The following NTM variants were observed in gnomAD, a reference collection of about 807,000 sequenced individuals.
NTM encodes the protein neurotrimin.
NTM carries 13 observed loss-of-function variants against 42.1 expected under a neutral mutation model. The ratio of observed to expected loss-of-function variants is 0.31; its 90% CI spans 0.20 to 0.49. NTM has a LOEUF of 0.49. NTM is among the 20% of genes least tolerant of loss of function. The pLI is 0.99. For missense variants in NTM, 373 were observed against 452.8 expected (o/e 0.82, Z 1.60); for synonymous variants, 187 against 179.2 (o/e 1.04, Z -0.35).
chr11:131,610,410 A>G (rs752727304), intron 1 of NTM, among the ~76,000 whole-genome samples: 2 of 152,220 alleles, frequency 1.3e-5, no homozygotes, highest in African/African-American at 2.4e-5. Flanking sequence ...CTTTTGGCCC[A>G]CGGAATTCAT....
At chr11:131,969,078 G>T (rs1191861089) in intron 2 of NTM, among the ~76,000 whole-genome samples, 2 of 152,188 alleles carry the variant, frequency 1.3e-5, no homozygotes, top group Admixed American at 1.3e-4. Flanking sequence ...ACAGAAGAGG[G>T]CTAATTCTAT....
chr11:131,431,671 G>A (rs1948663602), intron 1 of NTM, among the ~76,000 whole-genome samples: 2 of 152,180 alleles, frequency 1.3e-5, no homozygotes, highest in African/African-American at 2.4e-5. Context: ...CTTCTCATCT[G>A]TTGCTCACAA....
At chr11:131,698,624 G>C (rs765555675) in intron 1 of NTM, among the ~76,000 whole-genome samples, 2 of 152,162 alleles carry the variant, frequency 1.3e-5, no homozygotes, top group Non-Finnish European at 1.5e-5. Flanking sequence ...AGAGGACTAG[G>C]AGAAAGCCAA....
chr11:131,752,706 G>T (rs754895469), intron 1 of NTM, among the ~76,000 whole-genome samples: 5 of 152,132 alleles, frequency 3.3e-5, no homozygotes, highest in Non-Finnish European at 7.3e-5. Context: ...AGCTGAAACT[G>T]GATCCCTTCC....
At chr11:132,038,981 T>C (rs961029773) in intron 2 of NTM, among the ~76,000 whole-genome samples, 1 of 152,160 alleles carries the variant, frequency 6.6e-6, no homozygotes, top group Admixed American at 6.5e-5. Flanking sequence ...GCTTATTCTC[T>C]CAAGTCTTGC....
chr11:132,298,478 A>G (rs1002855309), intron 4 of NTM, among the ~76,000 whole-genome samples: 2 of 152,148 alleles, frequency 1.3e-5, no homozygotes, highest in African/African-American at 4.8e-5. Flanking sequence ...TTGAGCTGAC[A>G]GGCCTCCTGA....
At chr11:132,057,758 C>T (rs149570936) in intron 2 of NTM, among the ~76,000 whole-genome samples, 2 of 152,306 alleles carry the variant, frequency 1.3e-5, no homozygotes, top group East Asian at 1.9e-4. Context: ...CTAGACTCCG[C>T]GTGTTTTTTT....
intron 3 of NTM, among the ~76,000 whole-genome samples, chr11:132,150,419 A>C (rs2071607610): frequency 6.6e-6 from 1 of 152,190 alleles, no homozygotes; most frequent in South Asian, 2.1e-4. Flanking sequence ...ATTTGTGTGA[A>C]CTTCCATTGT....
At chr11:131,884,605 A>G (rs1287796699) in intron 1 of NTM, among the ~76,000 whole-genome samples, 2 of 152,150 alleles carry the variant, frequency 1.3e-5, no homozygotes, top group East Asian at 3.9e-4. Context: ...CCACTATGAC[A>G]TTCCACAAAT....
At chr11:131,689,546 G>T (rs2074386160) in intron 1 of NTM, among the ~76,000 whole-genome samples, 1 of 152,242 alleles carries the variant, frequency 6.6e-6, no homozygotes, top group Non-Finnish European at 1.5e-5. Flanking sequence ...CCCCACAGAT[G>T]TTGCTTTTGG....
chr11:131,374,303 G>C (rs1352678097), intron 1 of NTM, among the ~76,000 whole-genome samples: 1 of 152,222 alleles, frequency 6.6e-6, no homozygotes, highest in Non-Finnish European at 1.5e-5. Context: ...CCACCAATGG[G>C]GATGGCCGTC....
intron 2 of NTM, among the ~76,000 whole-genome samples, chr11:132,086,378 G>A (rs554462843): frequency 4.0e-5 from 6 of 149,590 alleles, no homozygotes; most frequent in Non-Finnish European, 7.4e-5. Context: ...TAATTCAGTC[G>A]ATTGAGGAAA....
rs140209713 is a variant in NTM at position 131,686,938 on chromosome 11, C to G, written c.83-224626C>G. Among the ~76,000 whole-genome samples the G allele has an allele frequency of 2.2e-4, 33 of 152,330 alleles. No individual in the cohort carries two copies. The East Asian group carries it at 6.4e-3, about 29-fold the overall frequency. On this transcript the variant is annotated intron_variant, in intron 1 of 8. Coordinates refer to ENST00000683400, the MANE Select transcript of NTM (RefSeq NM_001352005.2). ...ATAACCCAGACTTGACCTGCCAGGG[C>G]ACACTGGAGTGAAGCGGCGCCCTGG...
chr11:131,838,672 C>T (rs1311541444), intron 1 of NTM, among the ~76,000 whole-genome samples: 3 of 151,980 alleles, frequency 2.0e-5, no homozygotes, highest in Non-Finnish European at 2.9e-5. Context: ...ATGTCATATG[C>T]GCACTCAAAC....
intron 1 of NTM, among the ~76,000 whole-genome samples, chr11:131,418,532 G>T (rs1340995209): frequency 1.3e-5 from 2 of 152,196 alleles, no homozygotes; most frequent in African/African-American, 4.8e-5. Context: ...CAGGTAGAGA[G>T]GGAACAAACA....
chr11:132,335,046 G>T lies in NTM; in HGVS notation c.968G>T (p.Gly323Val). 1 of 1,611,882 alleles carries T rather than the reference G, an allele frequency of 6.2e-7. No homozygotes were observed. The highest frequency in any genetic ancestry group is 8.5e-7 in the Non-Finnish European group (1 of 1,179,914). ...CACGGCGAGTGTGTTCTCTCCACAGGTCCAGGCGCCGTCAGCGAGGTGAGC... is the reference window on the plus strand; with the variant it reads ...CACGGCGAGTGTGTTCTCTCCACAGTTCCAGGCGCCGTCAGCGAGGTGAGC... ...VKTTALTPWKGPGAVSEVSNG... is the reference protein window; with the variant it reads ...VKTTALTPWKVPGAVSEVSNG... The change falls in exon 9 of 9, where the codon GGT becomes GTT. Residue 323 changes from glycine (G) to valine (V), a missense_variant and splice_region_variant. Coordinates refer to ENST00000683400, the MANE Select transcript of NTM (RefSeq NM_001352005.2).
intron 1 of NTM, among the ~76,000 whole-genome samples, chr11:131,678,112 G>A (rs2071754477): frequency 6.6e-6 from 1 of 152,226 alleles, no homozygotes; most frequent in Admixed American, 6.5e-5. Context: ...GCAGCTTCCG[G>A]GGCCCCTGGT....
chr11:131,948,084 G>T (rs1034084531), intron 2 of NTM, among the ~76,000 whole-genome samples: 1 of 152,086 alleles, frequency 6.6e-6, no homozygotes, highest in Non-Finnish European at 1.5e-5. Context: ...TCAATTGGCC[G>T]GGTGCAGTGG....
At chr11:131,556,452 C>T (rs2055425296) in intron 1 of NTM, among the ~76,000 whole-genome samples, 1 of 152,136 alleles carries the variant, frequency 6.6e-6, no homozygotes, top group Non-Finnish European at 1.5e-5. Context: ...AAGTTTAAAG[C>T]CTGGTTCTGC....
Sources: gnomAD v4.1 joint callset for allele counts (sites outside exome capture counted in the v4.1 genomes callset) on GRCh38, gnomAD v4.1.1 for gene constraint, MANE v1.5 for transcripts, NCBI Gene and HGNC (gene_info 2026-07-23, HGNC 2026-07-21) for gene names.